CABP4: variants seen among roughly 807,000 people sequenced by gnomAD.
CABP4 encodes calcium-binding protein 4.
In CABP4, 30 loss-of-function variants were observed where a neutral mutation model predicts 30.7. The observed-to-expected ratio is 0.98, with a 90% confidence interval of 0.73 to 1.33. CABP4 has a LOEUF of 1.33. Among genes scored for constraint, CABP4 ranks in the 40% most tolerant of loss-of-function variants. CABP4 has a pLI of 0.00. For synonymous variants in CABP4, 161 were observed against 159.2 expected, an observed-to-expected ratio of 1.01 and a Z score of -0.08; for missense variants, 424 against 395.5, an observed-to-expected ratio of 1.07 and a Z score of -0.61.
Position 67,458,857 on chromosome 11 carries a change from A to T in CABP4, c.*198A>T. The T allele has an allele frequency of 1.5e-6, 1 of 665,832 alleles. No homozygotes were observed. Among genetic ancestry groups the T allele is most frequent in the South Asian group, 1.7e-5 (1 of 58,750 alleles). The allele number at this position is 665,832 out of a possible 1,614,324, so 41.2% of individuals were successfully genotyped here. ...CCCTCATCCTTACCTCCTCCTACTC[A>T]AGCTGCCTGGAGAAGACCTGCTCTC... On this transcript the variant is annotated 3_prime_UTR_variant, in exon 6 of 6. Transcript: ENST00000325656.
In CABP4 at chr11:67,458,647, C is replaced by T. The variant is rs371952355; in HGVS notation, c.816C>T (p.Leu272=). Residue 272 remains leucine, a synonymous_variant, in exon 6 of 6, where the codon CTC becomes CTT. Coordinates refer to ENST00000325656, the MANE Select transcript of CABP4 (RefSeq NM_145200.5). ...TVDFDEFVMM[L]SRH is the part of the protein sequence containing the mutation. ...CTCCCGCAGAGTTTGTGATGATGCTCTCCCGCCACTGAGGCTCCAGGAGGG... is the reference window on the plus strand; with the variant it reads ...CTCCCGCAGAGTTTGTGATGATGCTTTCCCGCCACTGAGGCTCCAGGAGGG... 292 of 1,613,900 alleles carry T rather than the reference C, an allele frequency of 1.8e-4. No individual in the cohort carries two copies. The highest frequency in any genetic ancestry group is 1.7e-3 in the South Asian group (154 of 91,078).
intron 3 of CABP4, among the ~76,000 whole-genome samples, chr11:67,456,777 G>A (rs1351720621): frequency 6.6e-6 from 1 of 152,210 alleles, no homozygotes; most frequent in African/African-American, 2.4e-5. Context: ...GTGATAAAGT[G>A]CTGTCCGCTG....
Position 67,457,651 on chromosome 11 carries a change from G to T in CABP4, c.620G>T (p.Gly207Val). 6.2e-7 allele frequency: 1 copy of T among 1,602,170 alleles called. No homozygotes were observed. The highest frequency in any genetic ancestry group is 2.3e-5 in the East Asian group (1 of 44,444). Reference sequence around the variant, plus strand: ...AGGGAGGAGACGGCGCACATGCTGGGGGTGCGAGAGCTGCGCATCGCCTTC... The same window carrying T: ...AGGGAGGAGACGGCGCACATGCTGGTGGTGCGAGAGCTGCGCATCGCCTTC... ...KLREETAHML[G>V]VRELRIAFRE... The change falls in exon 4 of 6, where the codon GGG becomes GTG. Residue 207 changes from glycine to valine, a missense_variant. Gly to Val is a moderately radical substitution (Grantham distance 109). Transcript: ENST00000325656.
rs1864931466 is a variant in CABP4 at position 67,459,038 on chromosome 11, A to AT, written c.*379_*380insT. 7.3e-6 allele frequency: 2 copies of AT among 275,656 alleles called. No homozygotes were observed. Among genetic ancestry groups the AT allele is most frequent in the Non-Finnish European group, 6.8e-6 (1 of 148,136 alleles). The allele number at this position is 275,656 out of a possible 1,614,324, so 17.1% of individuals were successfully genotyped here. The stretch of plus-strand genomic sequence containing the variant: ...GACCCCTTCCACTACTTATGTTTAT[A>AT]ATTTTTTTTTTTTTTAATGAACTTG... On this transcript the variant is annotated 3_prime_UTR_variant, in exon 6 of 6. Transcript: ENST00000325656.
intron 1 of CABP4, 98 bp from the exon 2 acceptor site, chr11:67,456,090 G>C: frequency 6.2e-7 from 1 of 1,608,848 alleles, no homozygotes; most frequent in Non-Finnish European, 8.5e-7. Context: ...CTCTGATGGG[G>C]CTGGGCCCTG....
upstream of CABP4, chr11:67,453,583 C>T (rs1312074567): frequency 1.3e-5 from 2 of 151,320 alleles, no homozygotes; most frequent in African/African-American, 4.9e-5. Flanking sequence ...ATCGCTTGAA[C>T]CCGGGAGGCA....
At chr11:67,452,712 T>C (rs140961380), upstream of CABP4, 32 of 1,571,260 alleles carry the variant, frequency 2.0e-5, no homozygotes, top group African/African-American at 3.7e-4. Context: ...TCAGCTTCCA[T>C]GGTAGTGTCC....
Position 67,457,628 on chromosome 11 carries a change from G to A in CABP4, c.597G>A (p.Arg199=), listed in dbSNP as rs752961611. 2.9e-5 allele frequency: 46 copies of A among 1,605,662 alleles called. No individual in the cohort carries two copies. The South Asian group carries it at 4.4e-4, about 15-fold the overall frequency. Reference sequence around the variant, plus strand: ...TAGAACTGATAGGCCCAAAGCTGAGGGAGGAGACGGCGCACATGCTGGGGG... The same window carrying A: ...TAGAACTGATAGGCCCAAAGCTGAGAGAGGAGACGGCGCACATGCTGGGGG... ...EFVELIGPKL[R]EETAHMLGVR... Residue 199 remains arginine, a synonymous_variant, in exon 4 of 6, where the codon AGG becomes AGA. Transcript: ENST00000325656.
rs779122458 is a variant in CABP4 at position 67,458,652 on chromosome 11, G to A, written c.821G>A (p.Arg274His). The change falls in exon 6 of 6, where the codon CGC (arginine) becomes CAC (histidine). Residue 274 changes from arginine (R) to histidine (H), a missense_variant. Transcript: ENST00000325656. ...GCAGAGTTTGTGATGATGCTCTCCCGCCACTGAGGCTCCAGGAGGGAATAT... is the reference window on the plus strand; with the variant it reads ...GCAGAGTTTGTGATGATGCTCTCCCACCACTGAGGCTCCAGGAGGGAATAT... ...DFDEFVMMLS[R>H]H 1.7e-5 allele frequency: 27 copies of A among 1,613,850 alleles called. No individual in the cohort carries two copies. The highest frequency in any genetic ancestry group is 2.2e-5 in the East Asian group (1 of 44,898).
rs188509571 is a variant in CABP4 at position 67,459,977 on chromosome 11, T to C, written c.*1318T>C. On this transcript the variant is annotated 3_prime_UTR_variant, in exon 6 of 6. Transcript: ENST00000325656. ...AACAAAACAAAAAAACCATACTGAT[T>C]ATAAAAGTAAAGAAACCACCATGAA... 9 of 151,954 alleles carry C rather than the reference T, an allele frequency of 5.9e-5. No individual in the cohort carries two copies. The highest frequency in any genetic ancestry group is 5.2e-4 in the Admixed American group (8 of 15,254). 9.4% of individuals were successfully genotyped at this position (151,954 alleles called of 1,614,324 possible). A position where few individuals can be genotyped will look rare whatever the true frequency, so the allele number is the denominator to read the frequency against.
intron 4 of CABP4, 59 bp from the exon 5 acceptor site, chr11:67,458,312 A>C: frequency 1.4e-6 from 2 of 1,387,028 alleles, no homozygotes; most frequent in African/African-American, 1.4e-5. Flanking sequence ...AAAAGAGTGG[A>C]GCTGGCTGAG....
chr11:67,456,047 T>A (rs1427317872), intron 1 of CABP4, 141 bp from the exon 2 acceptor site: 1 of 1,510,228 alleles, frequency 6.6e-7, no homozygotes, highest in Non-Finnish European at 9.1e-7. Flanking sequence ...TTGCTCCTCC[T>A]GGGTCCCACG....
At chr11:67,455,017 C>T (rs1864710618), upstream of CABP4, among the ~76,000 whole-genome samples, 1 of 152,256 alleles carries the variant, frequency 6.6e-6, no homozygotes, top group Admixed American at 6.5e-5. Flanking sequence ...CTCTGCCTAA[C>T]GAAGGCCTCT....
At chr11:67,455,960 G>T in intron 1 of CABP4, 171 bp downstream of exon 1, 1 of 1,158,946 alleles carries the variant, frequency 8.6e-7, no homozygotes, top group Non-Finnish European at 1.2e-6. Flanking sequence ...TCTCGGGCCA[G>T]CGTGGGCGGT....
In CABP4 at chr11:67,460,966, C is replaced by T. The variant is rs1381822489; in HGVS notation, c.*2307C>T. Among the ~76,000 whole-genome samples the T allele has an allele frequency of 1.6e-5, 2 of 126,466 alleles. No individual in the cohort carries two copies. Among genetic ancestry groups the T allele is most frequent in the Admixed American group, 9.4e-5 (1 of 10,628 alleles). 83.0% of individuals were successfully genotyped at this position (126,466 alleles called of 152,430 possible). On this transcript the variant is annotated 3_prime_UTR_variant, in exon 6 of 6. Coordinates refer to ENST00000325656, the MANE Select transcript of CABP4 (RefSeq NM_145200.5). ...CACCACTGCACTCCAGCCTGGGCTA[C>T]AGAGCGAGACTCCGTCTCGGAAAAA...
rs775755989 is a variant in CABP4 at position 67,459,068 on chromosome 11, G to A, written c.*409G>A. The stretch of plus-strand genomic sequence containing the variant: ...TTTTTTTTTTTAATGAACTTGAGCC[G>A]GGTGCAGTGGCTCACACCTGTAAGC... On this transcript the variant is annotated 3_prime_UTR_variant, in exon 6 of 6. Coordinates refer to ENST00000325656, the MANE Select transcript of CABP4 (RefSeq NM_145200.5). 3.9e-6 allele frequency: 1 copy of A among 254,000 alleles called. No homozygotes were observed. The highest frequency in any genetic ancestry group is 7.8e-6 in the Non-Finnish European group (1 of 128,660). The allele number at this position is 254,000 out of a possible 1,614,324, so 15.7% of individuals were successfully genotyped here.
chr11:67,456,381 C>T lies in CABP4; in HGVS notation c.480C>T (p.Thr160=). 1 of 1,606,758 alleles carries T rather than the reference C, an allele frequency of 6.2e-7. No homozygotes were observed. Among genetic ancestry groups the T allele is most frequent in the Non-Finnish European group, 8.5e-7 (1 of 1,177,296 alleles). The part of the protein sequence containing the change: ...SHRELGDCMR[T]LGYMPTEMEL... ...GGGAGCTGGGTGACTGCATGCGGAC[C>T]CTGGGCTACATGCCCACCGAGATGG... Residue 160 remains threonine (T), a synonymous_variant, in exon 3 of 6, where the codon ACC becomes ACT. Coordinates refer to ENST00000325656, the MANE Select transcript of CABP4 (RefSeq NM_145200.5).
At position 67,460,013 on chromosome 11, in the gene CABP4, C is replaced by T. The variant is rs1864960416; in HGVS notation, c.*1354C>T. ...AGAAACCACCATGAAGGAGACGAGA[C>T]AGAGACAAAAACAAGAGGACTGGCA... On this transcript the variant is annotated 3_prime_UTR_variant, in exon 6 of 6. Coordinates refer to ENST00000325656, the MANE Select transcript of CABP4 (RefSeq NM_145200.5). 6.6e-6 allele frequency: 1 copy of T among 152,154 alleles called. No homozygotes were observed. Among genetic ancestry groups the T allele is most frequent in the Non-Finnish European group, 1.5e-5 (1 of 68,048 alleles). The allele number at this position is 152,154 out of a possible 1,614,324, so 9.4% of individuals were successfully genotyped here. A position where few individuals can be genotyped will look rare whatever the true frequency, so the allele number is the denominator to read the frequency against.
intron 5 of CABP4, 39 bp from the exon 6 acceptor site, chr11:67,458,592 G>A (rs1864913088): frequency 5.6e-6 from 9 of 1,614,162 alleles, no homozygotes; most frequent in Non-Finnish European, 6.8e-6. Flanking sequence ...TGGGATCCCT[G>A]ACGTGGACTG....
Sources: allele counts gnomAD v4.1 joint callset (sites outside exome capture counted in the v4.1 genomes callset), GRCh38; gene constraint gnomAD v4.1.1; transcripts MANE v1.5; gene names NCBI Gene and HGNC (gene_info 2026-07-23, HGNC 2026-07-21).